RIPOR2: variants seen among roughly 807,000 people sequenced by gnomAD.
The protein encoded by RIPOR2 is rho family-interacting cell polarization regulator 2.
In RIPOR2, 39 loss-of-function variants were observed where a neutral mutation model predicts 114.5. That is an observed-to-expected ratio of 0.34 (90% CI 0.26 to 0.44). The LOEUF is 0.44. Ranked by LOEUF, RIPOR2 falls within the 20% of genes least tolerant of loss-of-function variation. The pLI is 1.00. For missense variants in RIPOR2, 1,007 were observed against 1,255.1 expected (o/e 0.80, Z 2.99); for synonymous variants, 445 against 484.4 (o/e 0.92, Z 1.07).
chr6:24,940,351 C>T (rs1772058640), upstream of RIPOR2, among the ~76,000 whole-genome samples: 1 of 152,178 alleles, frequency 6.6e-6, no homozygotes. Flanking sequence ...GAATTTCCCA[C>T]TCCTTTCAGA....
chr6:24,952,079 GACC>G (rs2114203154), intron 1 of RIPOR2, among the ~76,000 whole-genome samples: 1 of 152,284 alleles, frequency 6.6e-6, no homozygotes, highest in South Asian at 2.1e-4. Flanking sequence ...AACATAGGAT[GACC>G]ACATTTTTTC....
intron 1 of RIPOR2, among the ~76,000 whole-genome samples, chr6:24,932,455 TTCTC>T (rs370523871): frequency 7.8e-4 from 118 of 152,218 alleles, no homozygotes; most frequent in African/African-American, 2.5e-3. Context: ...CTCTTTCTCT[TTCTC>T]TCTCACTATA....
chr6:25,037,144 G>A lies in RIPOR2; in HGVS notation c.76+4707C>T, dbSNP rs115987138. Among the ~76,000 whole-genome samples, 663 of 152,276 alleles carry A rather than the reference G, an allele frequency of 4.4e-3. No homozygotes were observed. Among genetic ancestry groups the A allele is most frequent in the African/African-American group, 0.015 (622 of 41,534 alleles). On this transcript the variant is annotated intron_variant, in intron 1 of 13. Coordinates refer to the RIPOR2 transcript ENST00000510784. The surrounding 1 kb of genome is among the most constrained non-coding windows in gnomAD (Gnocchi z 4.5). ...CCTCCAATAACAATGGGAGGTGGGT[G>A]TTACTGTAATAAGCATTTTAAGGTT...
intron 1 of RIPOR2, among the ~76,000 whole-genome samples, chr6:24,992,182 C>G (rs755941652): frequency 6.6e-6 from 1 of 152,142 alleles, no homozygotes; most frequent in African/African-American, 2.4e-5. Context: ...AAACAAGGTA[C>G]TATAGGAGGA....
intron 1 of RIPOR2, among the ~76,000 whole-genome samples, chr6:24,966,090 CT>C (rs1166378946): frequency 6.6e-6 from 1 of 152,138 alleles, no homozygotes; most frequent in Admixed American, 6.5e-5. Context: ...GATATATAAT[CT>C]TTTTCCTCCT....
chr6:24,879,860 G>T (rs1335904803), intron 1 of RIPOR2, among the ~76,000 whole-genome samples: 1 of 152,132 alleles, frequency 6.6e-6, no homozygotes, highest in Non-Finnish European at 1.5e-5. Context: ...CTTCCTAGAA[G>T]TCCCAAAGAC....
At chr6:24,971,705 G>A (rs1267223116) in intron 1 of RIPOR2, among the ~76,000 whole-genome samples, 2 of 152,220 alleles carry the variant, frequency 1.3e-5, no homozygotes, top group Non-Finnish European at 1.5e-5. Context: ...GAAAACTTTG[G>A]AGCTAGATGG....
chr6:25,024,083 G>C (rs1776474407), intron 1 of RIPOR2: 3 of 775,670 alleles, frequency 3.9e-6, no homozygotes, highest in Non-Finnish European at 7.1e-6. Flanking sequence ...TTTATCTGGG[G>C]GACCAGCGAG....
intron 2 of RIPOR2, among the ~76,000 whole-genome samples, chr6:24,875,481 C>T (rs1333645725): frequency 6.6e-6 from 1 of 152,236 alleles, no homozygotes; most frequent in Non-Finnish European, 1.5e-5. Context: ...CCTAAATCCT[C>T]AGCCATCATC....
intron 1 of RIPOR2, among the ~76,000 whole-genome samples, chr6:24,980,912 T>A (rs549299293): frequency 6.6e-6 from 1 of 152,316 alleles, no homozygotes; most frequent in African/African-American, 2.4e-5. Flanking sequence ...ATGCTTTCTC[T>A]GGCTCTCTGA....
At chr6:25,034,092 T>A (rs971949985) in intron 1 of RIPOR2, among the ~76,000 whole-genome samples, 3 of 149,518 alleles carry the variant, frequency 2.0e-5, no homozygotes, top group East Asian at 3.9e-4. Context: ...CAAAAAGGTT[T>A]TATATATATA....
chr6:24,819,545 G>C (rs60390507), intron 19 of RIPOR2, among the ~76,000 whole-genome samples: 2 of 150,600 alleles, frequency 1.3e-5, no homozygotes, highest in East Asian at 3.9e-4. Flanking sequence ...ACAGAATCTC[G>C]CTCTGTGGCC....
At chr6:24,969,261 A>G (rs1202576342) in intron 1 of RIPOR2, among the ~76,000 whole-genome samples, 1 of 152,138 alleles carries the variant, frequency 6.6e-6, no homozygotes, top group Non-Finnish European at 1.5e-5. Context: ...CTCGCTATTC[A>G]GAGTGGTCCA....
At chr6:24,960,671 C>T (rs568950602) in intron 1 of RIPOR2, among the ~76,000 whole-genome samples, 11 of 152,222 alleles carry the variant, frequency 7.2e-5, no homozygotes, top group African/African-American at 2.6e-4. Flanking sequence ...AGACTACAGG[C>T]ATGCACCTGT....
intron 1 of RIPOR2, among the ~76,000 whole-genome samples, chr6:25,018,463 A>T (rs1361120912): frequency 1.3e-5 from 2 of 152,122 alleles, no homozygotes; most frequent in Non-Finnish European, 2.9e-5. Context: ...TTCTTTCTCC[A>T]TTTTTTAAAA....
At chr6:25,028,602 A>T (rs1196897288) in intron 1 of RIPOR2, among the ~76,000 whole-genome samples, 1 of 152,222 alleles carries the variant, frequency 6.6e-6, no homozygotes, top group Non-Finnish European at 1.5e-5. Context: ...ACAATGCCTG[A>T]TACTAATACT....
intron 1 of RIPOR2, among the ~76,000 whole-genome samples, chr6:24,930,788 A>G (rs1771327914): frequency 6.6e-6 from 1 of 152,346 alleles, no homozygotes; most frequent in South Asian, 2.1e-4. Context: ...TTGTGAAAGC[A>G]AAGAGTGACC....
At chr6:24,819,543 T>TCA (rs1365819260) in intron 19 of RIPOR2, among the ~76,000 whole-genome samples, 2 of 151,780 alleles carry the variant, frequency 1.3e-5, no homozygotes, top group East Asian at 3.9e-4. Context: ...AGACAGAATC[T>TCA]CGCTCTGTGG....
chr6:25,010,852 G>C (rs73384158), intron 1 of RIPOR2, among the ~76,000 whole-genome samples: 7,314 of 152,260 alleles, frequency 0.048, 377 homozygotes, highest in African/African-American at 0.13. Context: ...TTGCCTTTGA[G>C]GAGCATATAG....
Sources: allele counts gnomAD v4.1 joint callset (sites outside exome capture counted in the v4.1 genomes callset), GRCh38; gene constraint gnomAD v4.1.1; non-coding constraint Gnocchi (gnomAD v3.1); transcripts MANE v1.5; gene names NCBI Gene and HGNC (gene_info 2026-07-23, HGNC 2026-07-21).